Variants in C7orf33 observed in about 807,000 individuals in gnomAD.
C7orf33 encodes the protein uncharacterized protein C7orf33.
Under a neutral mutation model 13.4 loss-of-function variants are expected in C7orf33, and 15 were observed. The ratio of observed to expected loss-of-function variants is 1.12; its 90% CI spans 0.75 to 1.72. C7orf33 has a LOEUF of 1.72. Among genes scored for constraint, C7orf33 ranks in the 40% most tolerant of loss-of-function variants. C7orf33 has a pLI of 0.00. For missense variants in C7orf33, 187 were observed against 220.3 expected (o/e 0.85, Z 0.96); for synonymous variants, 73 against 83.2 (o/e 0.88, Z 0.67).
chr7:148,599,087 T>C (rs1004329906), intron 1 of C7orf33, among the ~76,000 whole-genome samples: 1 of 151,920 alleles, frequency 6.6e-6, no homozygotes, highest in Non-Finnish European at 1.5e-5. Flanking sequence ...GGTCTCAAAC[T>C]CTTGACCTCA....
rs59006951 is a variant in C7orf33, at chr7:148,597,334, T to C, written c.204+6205T>C. ...TTTCACTCTGTCACCAAGGCTGCAGTTCAATGGCACAATCTCAGCTCACTG... is the reference window on the plus strand; with the variant it reads ...TTTCACTCTGTCACCAAGGCTGCAGCTCAATGGCACAATCTCAGCTCACTG... On this transcript the variant is annotated intron_variant, in intron 1 of 2. Coordinates refer to ENST00000307003, the MANE Select transcript of C7orf33 (RefSeq NM_145304.4). Among the ~76,000 whole-genome samples, 1,459 of 152,242 alleles carry C rather than the reference T, an allele frequency of 9.6e-3. 20 individuals are homozygous for C. The highest frequency in any genetic ancestry group is 0.034 in the African/African-American group (1,392 of 41,528).
chr7:148,603,611 A>T (rs1796440727), intron 1 of C7orf33, among the ~76,000 whole-genome samples: 1 of 152,214 alleles, frequency 6.6e-6, no homozygotes, highest in South Asian at 2.1e-4. Context: ...AAGAGGAGGC[A>T]TCTATTGAAG....
intron 1 of C7orf33, among the ~76,000 whole-genome samples, chr7:148,601,826 G>C (rs1278473443): frequency 2.0e-5 from 3 of 150,548 alleles, no homozygotes; most frequent in Non-Finnish European, 4.4e-5. Context: ...TAACTCACTA[G>C]AGTCTCGAAC....
chr7:148,591,602 A>G (rs1468905004), intron 1 of C7orf33, among the ~76,000 whole-genome samples: 4 of 151,936 alleles, frequency 2.6e-5, no homozygotes, highest in Non-Finnish European at 5.9e-5. Flanking sequence ...TGTTTTAGAG[A>G]TAGTATCTTG....
chr7:148,604,253 A>G (rs1157997261), intron 1 of C7orf33, among the ~76,000 whole-genome samples: 1 of 151,956 alleles, frequency 6.6e-6, no homozygotes, highest in African/African-American at 2.4e-5. Context: ...TGGCCTCCCA[A>G]GTAGCTGGAA....
chr7:148,605,761 C>T (rs1215505607), intron 1 of C7orf33, among the ~76,000 whole-genome samples: 2 of 152,114 alleles, frequency 1.3e-5, no homozygotes, highest in Non-Finnish European at 1.5e-5. Flanking sequence ...TGGGAGTGGA[C>T]GCTGCAGTTG....
intron 1 of C7orf33, among the ~76,000 whole-genome samples, chr7:148,602,256 A>G (rs1041888962): frequency 6.6e-6 from 1 of 152,148 alleles, no homozygotes; most frequent in Admixed American, 6.6e-5. Context: ...AGCAACCATT[A>G]TATTTAATAC....
intron 1 of C7orf33, among the ~76,000 whole-genome samples, chr7:148,606,961 C>CACACACACAT (rs1796480725): frequency 6.6e-6 from 1 of 151,752 alleles, no homozygotes; most frequent in South Asian, 2.1e-4. Flanking sequence ...CACACACACA[C>CACACACACAT]ACGAGAAAAA....
chr7:148,591,179 A>G (rs1245819708), intron 1 of C7orf33, 50 bp downstream of exon 1: 2 of 1,433,272 alleles, frequency 1.4e-6, no homozygotes, highest in Admixed American at 3.4e-5. Flanking sequence ...GTCAGTCAGT[A>G]TCTCTTGAGA....
At chr7:148,600,834 G>A (rs187600460) in intron 1 of C7orf33, among the ~76,000 whole-genome samples, 1,737 of 121,060 alleles carry the variant, frequency 0.014, 14 homozygotes, top group Non-Finnish European at 0.02. Flanking sequence ...ACGGAGTCTC[G>A]CTCTGTCACC....
intron 1 of C7orf33, among the ~76,000 whole-genome samples, chr7:148,591,352 G>A (rs964825282): frequency 2.6e-5 from 4 of 152,198 alleles, no homozygotes; most frequent in Admixed American, 1.3e-4. Flanking sequence ...ACTCCACTGA[G>A]TATTCTTGTG....
chr7:148,613,052 A>G lies in C7orf33; in HGVS notation c.205-990A>G, dbSNP rs1175778257. On this transcript the variant is annotated intron_variant, in intron 1 of 2. Transcript: ENST00000307003. ...AATATAGAATAAATTACAGTTAACC[A>G]TCTTCACCCTACTGTGCTACAGAAC... Among the ~76,000 whole-genome samples the G allele has an allele frequency of 7.9e-5, 12 of 152,124 alleles. No homozygotes were observed. In the South Asian group the frequency reaches 1.7e-3, roughly 21 times the overall value.
chr7:148,600,917 C>T (rs367880701), intron 1 of C7orf33, among the ~76,000 whole-genome samples: 26 of 151,542 alleles, frequency 1.7e-4, no homozygotes, highest in African/African-American at 6.3e-4. Context: ...ATTCTCCTGC[C>T]TCAGCCTCCT....
intron 1 of C7orf33, among the ~76,000 whole-genome samples, chr7:148,595,554 CA>C (rs1563120335): frequency 8.2e-6 from 1 of 122,584 alleles, no homozygotes; most frequent in East Asian, 2.1e-4. Flanking sequence ...TTATATATAA[CA>C]TATAGCTATA....
At chr7:148,594,046 C>A (rs538906548) in intron 1 of C7orf33, among the ~76,000 whole-genome samples, 29 of 151,880 alleles carry the variant, frequency 1.9e-4, no homozygotes, top group African/African-American at 6.5e-4. Flanking sequence ...TTTTGCTGTT[C>A]GATGTGCCTG....
At chr7:148,600,651 G>A (rs1016197990) in intron 1 of C7orf33, among the ~76,000 whole-genome samples, 5 of 152,032 alleles carry the variant, frequency 3.3e-5, no homozygotes, top group African/African-American at 1.2e-4. Flanking sequence ...ATTCATTTCT[G>A]CATTTCAATT....
intron 1 of C7orf33, among the ~76,000 whole-genome samples, chr7:148,598,761 TATAG>T (rs1796378463): frequency 2.5e-4 from 7 of 27,510 alleles, no homozygotes; most frequent in South Asian, 1.5e-3. Flanking sequence ...TATATATATA[TATAG>T]AGAGAGAGAG....
intron 1 of C7orf33, among the ~76,000 whole-genome samples, chr7:148,599,469 A>ATT (rs34816972): frequency 1.2e-3 from 152 of 122,948 alleles, no homozygotes; most frequent in South Asian, 2.2e-3. Flanking sequence ...CAATTCTCAG[A>ATT]TTTTTTTTTT....
chr7:148,590,854 T>G lies in C7orf33; in HGVS notation c.-72T>G. The G allele has an allele frequency of 2.1e-6, 3 of 1,415,200 alleles. No individual in the cohort carries two copies. The highest frequency in any genetic ancestry group is 3.0e-6 in the Non-Finnish European group (3 of 1,003,206). The allele number at this position is 1,415,200 out of a possible 1,614,324, so 87.7% of individuals were successfully genotyped here. The stretch of plus-strand genomic sequence containing the variant: ...ACTGACCCTGGGGATCCGTGCGACT[T>G]GATCTTAGATATTGGTGGTGAAGCG... On this transcript the variant is annotated 5_prime_UTR_variant, in exon 1 of 3. Coordinates refer to ENST00000307003, the MANE Select transcript of C7orf33 (RefSeq NM_145304.4).
Sources: allele counts gnomAD v4.1 joint callset (sites outside exome capture counted in the v4.1 genomes callset), GRCh38; gene constraint gnomAD v4.1.1; transcripts MANE v1.5; gene names NCBI Gene and HGNC (gene_info 2026-07-23, HGNC 2026-07-21).